The following SFXN4 variants were observed in gnomAD, a reference collection of about 807,000 sequenced individuals.
SFXN4 encodes the protein sideroflexin 4.
A neutral mutation model predicts 54.6 loss-of-function variants in SFXN4; 48 were observed. The ratio of observed to expected loss-of-function variants is 0.88; its 90% CI spans 0.70 to 1.12. The LOEUF is 1.12. Ranked by LOEUF, SFXN4 falls within the 50% of genes most tolerant of loss-of-function variation. SFXN4 has a pLI of 0.00. For missense variants in SFXN4, 383 were observed against 409.2 expected (o/e 0.94, Z 0.55); for synonymous variants, 130 against 145.5 (o/e 0.89, Z 0.77).
At position 119,155,170 on chromosome 10, in the gene SFXN4, G is replaced by C; in HGVS notation, c.624C>G (p.Ala208=). ...GGGACATGTAGACATTCATTCCACT[G>C]GCTTGCACTGTAGATGTAAAGAAGT... is the stretch of plus-strand genomic sequence containing the variant. ...RLLPVIFLVQ[A]SGMNVYMSRS... Residue 208 remains alanine, a synonymous_variant, in exon 11 of 14, where the codon GCC becomes GCG. Transcript: ENST00000355697. 1 of 1,611,432 alleles carries C rather than the reference G, an allele frequency of 6.2e-7. No homozygotes were observed.
intron 6 of SFXN4, among the ~76,000 whole-genome samples, chr10:119,159,055 G>A (rs944839921): frequency 7.2e-5 from 11 of 152,146 alleles, no homozygotes; most frequent in Admixed American, 2.0e-4. Flanking sequence ...CAAGGTGGGT[G>A]GATCACCTGA....
intron 11 of SFXN4, among the ~76,000 whole-genome samples, chr10:119,151,587 C>G (rs963179624): frequency 1.3e-5 from 2 of 151,908 alleles, no homozygotes; most frequent in Admixed American, 6.6e-5. Flanking sequence ...GCAATCTCAG[C>G]TCACTGCAAC....
chr10:119,165,233 G>A (rs1019149821), intron 1 of SFXN4: 4 of 1,112,910 alleles, frequency 3.6e-6, no homozygotes, highest in Non-Finnish European at 4.4e-6. Context: ...TCCCCAATCT[G>A]CTGCTCAGCC....
intron 13 of SFXN4, among the ~76,000 whole-genome samples, chr10:119,145,815 G>T (rs757122691): frequency 6.6e-6 from 1 of 152,060 alleles, no homozygotes; most frequent in Non-Finnish European, 1.5e-5. Flanking sequence ...AAAGCCAATT[G>T]TATTTTGTTT....
At chr10:119,142,310 T>G (rs1846563295) in intron 13 of SFXN4, among the ~76,000 whole-genome samples, 1 of 152,098 alleles carries the variant, frequency 6.6e-6, no homozygotes, top group Non-Finnish European at 1.5e-5. Context: ...ATCAAGCACC[T>G]CCCACACCCA....
At position 119,150,253 on chromosome 10, in the gene SFXN4, C is replaced by G. The variant is rs561168348; in HGVS notation, c.733-2393G>C. On this transcript the variant is annotated intron_variant, in intron 11 of 13. Transcript: ENST00000355697. ...GTGAGATGGACTCCAGACAGCCAGT[C>G]AGGCCTGAGGCTACCTTTCCGCTGG... Among the ~76,000 whole-genome samples the G allele has an allele frequency of 6.6e-5, 10 of 152,182 alleles. No individual in the cohort carries two copies. The East Asian group carries it at 1.2e-3, about 18-fold the overall frequency.
chr10:119,142,440 G>C (rs2133560631), intron 13 of SFXN4, among the ~76,000 whole-genome samples: 1 of 151,508 alleles, frequency 6.6e-6, no homozygotes, highest in African/African-American at 2.4e-5. Context: ...AATGACAGTA[G>C]TTACAAAACT....
At chr10:119,148,772 AT>A (rs1436563471) in intron 11 of SFXN4, among the ~76,000 whole-genome samples, 1 of 152,188 alleles carries the variant, frequency 6.6e-6, no homozygotes, top group Non-Finnish European at 1.5e-5. Flanking sequence ...TAAACATACA[AT>A]TTACTGTATG....
In SFXN4 at chr10:119,158,051, T is replaced by C. The variant is rs1377982148; in HGVS notation, c.372A>G (p.Ser124=). ...LPFMAPTVFL[S]MTPLKGIKSV... ...ACTTGATCCCTTTCAGTGGCGTCATTGACAAAAATACCTTTTAAGAAGACA... is the reference window on the plus strand; with the variant it reads ...ACTTGATCCCTTTCAGTGGCGTCATCGACAAAAATACCTTTTAAGAAGACA... The change falls in exon 7 of 14, where the codon TCA becomes TCG. Residue 124 remains serine (S), a synonymous_variant. Coordinates refer to ENST00000355697, the MANE Select transcript of SFXN4 (RefSeq NM_213649.2). The C allele has an allele frequency of 6.2e-7, 1 of 1,613,952 alleles. No homozygotes were observed. The highest frequency in any genetic ancestry group is 2.2e-5 in the East Asian group (1 of 44,894).
At position 119,152,039 on chromosome 10, in the gene SFXN4, G is replaced by A. The variant is rs79125092; in HGVS notation, c.732+3023C>T. Among the ~76,000 whole-genome samples the A allele has an allele frequency of 9.5e-3, 1,433 of 151,298 alleles. 49 individuals carry two copies. The highest frequency in any genetic ancestry group is 0.087 in the East Asian group (442 of 5,072). On this transcript the variant is annotated intron_variant, in intron 11 of 13. Transcript: ENST00000355697. ...TTGCTATGCTGCCCAGGCTGGTCTC[G>A]CACTCATGGACTCAAGCGATCTACC... is the stretch of plus-strand genomic sequence containing the variant.
intron 10 of SFXN4, among the ~76,000 whole-genome samples, chr10:119,155,441 G>A (rs754167216): frequency 7.2e-5 from 11 of 152,116 alleles, no homozygotes; most frequent in Admixed American, 2.0e-4. Flanking sequence ...CTTCCTTACC[G>A]GATTCTAGGA....
chr10:119,146,151 C>T, intron 13 of SFXN4, 85 bp downstream of exon 13: 1 of 783,708 alleles, frequency 1.3e-6, no homozygotes, highest in South Asian at 1.7e-5. Context: ...ATAAACTTTG[C>T]AGAGTTTTAA....
rs190886065 is a variant in SFXN4 at position 119,141,911 on chromosome 10, C to T, written c.937-592G>A. 2.6e-3 allele frequency among the ~76,000 whole-genome samples: 389 copies of T among 152,140 alleles called. 3 individuals carry two copies. Among genetic ancestry groups the T allele is most frequent in the African/African-American group, 9.0e-3 (374 of 41,528 alleles). On this transcript the variant is annotated intron_variant, in intron 13 of 13. Transcript: ENST00000355697. ...CACACACCTGTAATCCCAGCTACTC[C>T]AGTGGCTGAGGCACGAGAATCACTT...
Position 119,158,184 on chromosome 10 carries a change from T to C in SFXN4, c.361-122A>G, listed in dbSNP as rs749960584. 2 of 894,310 alleles carry C rather than the reference T, an allele frequency of 2.2e-6. 1 individual carries two copies. The highest frequency in any genetic ancestry group is 3.7e-6 in the Non-Finnish European group (2 of 537,160). The allele number at this position is 894,310 out of a possible 1,614,324, so 55.4% of individuals were successfully genotyped here. The stretch of plus-strand genomic sequence containing the variant: ...CCCAAGGAGCTGGGGCAGGAGAGGA[T>C]GGTGGTGGGTACAGGGGCTGCCGGT... On this transcript the variant is annotated intron_variant, in intron 6 of 13. Coordinates refer to ENST00000355697, the MANE Select transcript of SFXN4 (RefSeq NM_213649.2).
Position 119,158,004 on chromosome 10 carries a change from G to T in SFXN4, c.414+5C>A. The stretch of plus-strand genomic sequence containing the variant: ...TAGTAATCGTGAAACAGGAAGAATG[G>T]CTACCTGAGGTAAAATCACGGACTT... On this transcript the variant is annotated splice_donor_5th_base_variant and intron_variant, in intron 7 of 13. Transcript: ENST00000355697. 1 of 1,614,038 alleles carries T rather than the reference G, an allele frequency of 6.2e-7. No individual in the cohort carries two copies. Among genetic ancestry groups the T allele is most frequent in the Non-Finnish European group, 8.5e-7 (1 of 1,179,872 alleles).
chr10:119,143,134 G>T (rs1209566981), intron 13 of SFXN4, among the ~76,000 whole-genome samples: 1 of 152,066 alleles, frequency 6.6e-6, no homozygotes, highest in Non-Finnish European at 1.5e-5. Context: ...TGGGAGTTCT[G>T]CCCCTTCCAA....
chr10:119,149,442 G>A (rs1016007962), intron 11 of SFXN4, among the ~76,000 whole-genome samples: 1 of 152,120 alleles, frequency 6.6e-6, no homozygotes, highest in Admixed American at 6.6e-5. Context: ...AGCCGAGGAG[G>A]GCTGTTTTTA....
chr10:119,165,338 G>T (rs1195062816), intron 1 of SFXN4, 199 bp downstream of exon 1: 2 of 1,297,916 alleles, frequency 1.5e-6, no homozygotes, highest in Non-Finnish European at 9.8e-7. Context: ...GCATCTGGCA[G>T]CTTCGATTTC....
chr10:119,153,413 A>G (rs1400785483), intron 11 of SFXN4, among the ~76,000 whole-genome samples: 2 of 151,988 alleles, frequency 1.3e-5, no homozygotes, highest in South Asian at 4.2e-4. Context: ...AAAAAAAAAA[A>G]AAAGAAAGAA....
Sources: allele counts gnomAD v4.1 joint callset (sites outside exome capture counted in the v4.1 genomes callset), GRCh38; gene constraint gnomAD v4.1.1; transcripts MANE v1.5; gene names NCBI Gene and HGNC (gene_info 2026-07-23, HGNC 2026-07-21).